The following PCDHGA1 variants were observed in gnomAD, a reference collection of about 807,000 sequenced individuals.
PCDHGA1 encodes the protein protocadherin gamma subfamily A, 1.
PCDHGA1 carries 32 observed loss-of-function variants against 58.0 expected under a neutral mutation model. That is an observed-to-expected ratio of 0.55 (90% CI 0.42 to 0.74). PCDHGA1 has a LOEUF of 0.74. PCDHGA1 is among the 30% of genes least tolerant of loss of function. The probability of loss-of-function intolerance (pLI) is 0.00; values close to 1 mark genes in which losing one functional copy is unlikely to be tolerated. For missense variants in PCDHGA1, 1,205 were observed against 1,182.3 expected (o/e 1.02, Z -0.28); for synonymous variants, 498 against 501.1 (o/e 0.99, Z 0.08).
intron 1 of PCDHGA1, among the ~76,000 whole-genome samples, chr5:141,368,256 T>G (rs982604434): frequency 6.6e-6 from 1 of 152,192 alleles, no homozygotes; most frequent in Non-Finnish European, 1.5e-5. Flanking sequence ...AAAGGTTAAT[T>G]GACACATTAA....
Position 141,476,698 on chromosome 5 carries a change from G to T in PCDHGA1, c.2422-18109G>T. The T allele has an allele frequency of 4.3e-6, 7 of 1,614,056 alleles. No homozygotes were observed. Among genetic ancestry groups the T allele is most frequent in the Non-Finnish European group, 5.9e-6 (7 of 1,179,986 alleles). ...CGCGGGAGGACAGCACCAAGTACGC[G>T]GAGCTGGTGTTGGAGCGCGCCCTGG... On this transcript the variant is annotated intron_variant, in intron 1 of 3. Coordinates refer to ENST00000517417, the MANE Select transcript of PCDHGA1 (RefSeq NM_018912.3). The surrounding 1 kb of genome is among the most constrained non-coding windows in gnomAD (Gnocchi z 7.6).
intron 1 of PCDHGA1, among the ~76,000 whole-genome samples, chr5:141,494,361 G>A (rs1311268562): frequency 6.6e-6 from 1 of 152,184 alleles, no homozygotes; most frequent in African/African-American, 2.4e-5. Flanking sequence ...TGCTGCAGAG[G>A]ATGCTTTGTT....
At chr5:141,343,504 G>A (rs978202799) in intron 1 of PCDHGA1, among the ~76,000 whole-genome samples, 3 of 152,138 alleles carry the variant, frequency 2.0e-5, no homozygotes, top group Admixed American at 6.5e-5. Flanking sequence ...AGTTGTGTTG[G>A]TCCTTACGGC....
At chr5:141,500,672 C>A (rs2099801937) in intron 2 of PCDHGA1, among the ~76,000 whole-genome samples, 1 of 152,156 alleles carries the variant, frequency 6.6e-6, no homozygotes, top group South Asian at 2.1e-4. Context: ...TACTGTCCAA[C>A]AGAATTATAG....
At chr5:141,473,623 A>T (rs186624707) in intron 1 of PCDHGA1, among the ~76,000 whole-genome samples, 8 of 152,280 alleles carry the variant, frequency 5.3e-5, no homozygotes, top group Non-Finnish European at 1.5e-5. Flanking sequence ...GAGGGAGGAA[A>T]AAGCAGCTTT....
intron 1 of PCDHGA1, among the ~76,000 whole-genome samples, chr5:141,457,444 G>T (rs1253183319): frequency 6.6e-6 from 1 of 152,134 alleles, no homozygotes; most frequent in African/African-American, 2.4e-5. Context: ...AGCTGCAGAA[G>T]ATCACCACTT....
At chr5:141,350,316 T>C in intron 1 of PCDHGA1, 1 of 1,527,202 alleles carries the variant, frequency 6.5e-7, no homozygotes. Context: ...TTTCCCTTCC[T>C]GCTGTCTTTG....
rs1452602466 is a variant in PCDHGA1 at position 141,481,941 on chromosome 5, C to A, written c.2422-12866C>A. Among the ~76,000 whole-genome samples, 4 of 146,990 alleles carry A rather than the reference C, an allele frequency of 2.7e-5. No individual in the cohort carries two copies. The Admixed American group carries it at 2.7e-4, about 10-fold the overall frequency. On this transcript the variant is annotated intron_variant, in intron 1 of 3. Coordinates refer to ENST00000517417, the MANE Select transcript of PCDHGA1 (RefSeq NM_018912.3). ...AAAAAAAAAAAAAAAAAAAATCAGC[C>A]AGATGTGGTGGCAGGTGCCTGTAGT...
rs1282933352 is a variant in PCDHGA1 at position 141,352,670 on chromosome 5, G to A, written c.2421+19565G>A. The A allele has an allele frequency of 2.5e-6, 4 of 1,578,960 alleles. No individual in the cohort carries two copies. The African/African-American group carries it at 4.0e-5, about 16-fold the overall frequency. ...TTATGACCCTTCTTTGTCTTCGCAC[G>A]TGAGTTTCTGCAAATCTAGTTAAAT... On this transcript the variant is annotated intron_variant, in intron 1 of 3. Coordinates refer to ENST00000517417, the MANE Select transcript of PCDHGA1 (RefSeq NM_018912.3).
intron 1 of PCDHGA1, among the ~76,000 whole-genome samples, chr5:141,462,574 C>T (rs1308899602): frequency 2.0e-5 from 3 of 152,036 alleles, no homozygotes; most frequent in Non-Finnish European, 4.4e-5. Context: ...TTGCTAATCC[C>T]ATCCAGTGAA....
At position 141,477,806 on chromosome 5, in the gene PCDHGA1, G is replaced by GC; in HGVS notation, c.2422-16995dup. Reference sequence around the variant, plus strand: ...ATTTGTCACTGATCGCAATGACAATGCCCCCCAGGTCCTATATCCTCGGCC... The same window carrying GC: ...ATTTGTCACTGATCGCAATGACAATGCCCCCCCAGGTCCTATATCCTCGGCC... On this transcript the variant is annotated intron_variant, in intron 1 of 3. Transcript: ENST00000517417. This position sits in a 1 kb window ranked among gnomAD's most constrained non-coding sequence, Gnocchi z 4.9. 1 of 1,614,114 alleles carries GC rather than the reference G, an allele frequency of 6.2e-7. No homozygotes were observed.
chr5:141,340,132 C>T (rs776414451), intron 1 of PCDHGA1: 2 of 1,614,028 alleles, frequency 1.2e-6, no homozygotes, highest in Admixed American at 1.7e-5. Flanking sequence ...GTTCACTCCC[C>T]GAGGATCTTC....
chr5:141,479,277 TC>T (rs2099491823), intron 1 of PCDHGA1: 1 of 152,362 alleles, frequency 6.6e-6, no homozygotes, highest in African/African-American at 2.4e-5. Flanking sequence ...ATAATTTATT[TC>T]AAAAATAAAT....
In PCDHGA1 at chr5:141,493,145, AG is replaced by A. The variant is rs11350413; in HGVS notation, c.2422-1660del. Among the ~76,000 whole-genome samples the A allele has an allele frequency of 0.17, 26,475 of 152,128 alleles. 2,528 individuals carry two copies. The highest frequency in any genetic ancestry group is 0.28 in the Admixed American group (4,206 of 15,272). ...TAGGACTGTATTTTGAAACACCCCC[AG>A]GTGATTTTGATAGCTGATTGAGAGA... is the stretch of plus-strand genomic sequence containing the variant. On this transcript the variant is annotated intron_variant, in intron 1 of 3. Transcript: ENST00000517417. The surrounding 1 kb of genome is among the most constrained non-coding windows in gnomAD (Gnocchi z 4.3).
chr5:141,415,853 G>GTAGTT, intron 1 of PCDHGA1: 1 of 1,186,350 alleles, frequency 8.4e-7, no homozygotes, highest in Non-Finnish European at 1.1e-6. Context: ...GCAGAACCTT[G>GTAGTT]TAGTTTATAG....
intron 1 of PCDHGA1, among the ~76,000 whole-genome samples, chr5:141,335,006 G>C (rs949814260): frequency 6.6e-6 from 1 of 152,190 alleles, no homozygotes; most frequent in South Asian, 2.1e-4. Flanking sequence ...ATTGTTACTA[G>C]TGAGAAACTT....
rs770685748 is a variant in PCDHGA1 at position 141,486,601 on chromosome 5, C to T, written c.2422-8206C>T. 9 of 1,613,558 alleles carry T rather than the reference C, an allele frequency of 5.6e-6. No homozygotes were observed. The highest frequency in any genetic ancestry group is 7.6e-6 in the Non-Finnish European group (9 of 1,180,024). On this transcript the variant is annotated intron_variant, in intron 1 of 3. Transcript: ENST00000517417. This position sits in a 1 kb window ranked among gnomAD's most constrained non-coding sequence, Gnocchi z 5.0. ...ATCGCCCAGGGGACCTGCTTTGCTC[C>T]CTTGCAGCCTCTGACCCAGACTCTG...
At chr5:141,403,868 A>T (rs2094463706) in intron 1 of PCDHGA1, 2 of 1,613,752 alleles carry the variant, frequency 1.2e-6, no homozygotes, top group Non-Finnish European at 1.7e-6. Context: ...AACAGCAAAA[A>T]GTCTAGATTA....
At chr5:141,453,087 T>G (rs2098755775) in intron 1 of PCDHGA1, among the ~76,000 whole-genome samples, 1 of 152,150 alleles carries the variant, frequency 6.6e-6, no homozygotes, top group Non-Finnish European at 1.5e-5. Context: ...TTGATTAGTA[T>G]ATTTTCTGTT....
Sources: gnomAD v4.1 joint callset for allele counts (sites outside exome capture counted in the v4.1 genomes callset) on GRCh38, gnomAD v4.1.1 for gene constraint, Gnocchi (gnomAD v3.1) non-coding constraint, MANE v1.5 for transcripts, NCBI Gene and HGNC (gene_info 2026-07-23, HGNC 2026-07-21) for gene names.